PRKD1: variants seen among roughly 807,000 people sequenced by gnomAD.
PRKD1 encodes the protein serine/threonine-protein kinase D1.
In PRKD1, 63 loss-of-function variants were observed where a neutral mutation model predicts 95.9. The observed-to-expected ratio is 0.66, with a 90% CI of 0.54 to 0.81. The LOEUF (loss-of-function observed/expected upper bound fraction) is 0.81. Ranked by LOEUF, PRKD1 falls within the 30% of genes least tolerant of loss-of-function variation. The pLI, the probability that PRKD1 is intolerant of heterozygous loss-of-function variation, is 0.00. For synonymous variants in PRKD1, 425 were observed against 423.1 expected, an observed-to-expected ratio of 1.00 and a Z score of -0.05; for missense variants, 1,048 against 1,165.3, an observed-to-expected ratio of 0.90 and a Z score of 1.47.
At chr14:29,879,017 T>C (rs897627976) in intron 1 of PRKD1, among the ~76,000 whole-genome samples, 1 of 152,176 alleles carries the variant, frequency 6.6e-6, no homozygotes, top group Non-Finnish European at 1.5e-5. Flanking sequence ...CTCCTCCTTA[T>C]AGTAAAAGTT....
intron 1 of PRKD1, among the ~76,000 whole-genome samples, chr14:29,735,704 A>G (rs45469291): frequency 6.6e-6 from 1 of 152,216 alleles, no homozygotes; most frequent in Non-Finnish European, 1.5e-5. Context: ...GATGTCATTC[A>G]CATGCCTCTT....
intron 4 of PRKD1, among the ~76,000 whole-genome samples, chr14:29,643,452 T>C (rs955020737): frequency 2.0e-5 from 3 of 152,210 alleles, no homozygotes; most frequent in Admixed American, 6.5e-5. Context: ...TTGAAATTAC[T>C]GCCAAAGCTG....
chr14:29,749,337 G>A (rs1887372459), intron 1 of PRKD1, among the ~76,000 whole-genome samples: 1 of 152,180 alleles, frequency 6.6e-6, no homozygotes, highest in African/African-American at 2.4e-5. Context: ...TTGTTACAGA[G>A]ACAGGCAAGA....
In PRKD1 at chr14:29,787,242, C is replaced by T. The variant is rs146628539; in HGVS notation, c.265-61568G>A. 5.3e-3 allele frequency among the ~76,000 whole-genome samples: 651 copies of T among 121,896 alleles called. 8 individuals are homozygous for T. Among genetic ancestry groups the T allele is most frequent in the African/African-American group, 0.018 (547 of 30,040 alleles). The allele number at this position is 121,896 out of a possible 152,430, so 80.0% of individuals were successfully genotyped here. On this transcript the variant is annotated intron_variant, in intron 1 of 17. Coordinates refer to ENST00000331968, the MANE Select transcript of PRKD1 (RefSeq NM_002742.3). Reference sequence around the variant, plus strand: ...TTTTTTTTTTTTTTTTTTTTTGAGGCCTAATATATGGTCTTTCCTAGAGAA... The same window carrying T: ...TTTTTTTTTTTTTTTTTTTTTGAGGTCTAATATATGGTCTTTCCTAGAGAA...
chr14:29,807,832 A>C (rs1890299832), intron 1 of PRKD1, among the ~76,000 whole-genome samples: 1 of 148,710 alleles, frequency 6.7e-6, no homozygotes, highest in East Asian at 2.0e-4. Flanking sequence ...AGCAATTCTC[A>C]TGCCTTAGCC....
chr14:29,737,774 A>G (rs929427766), intron 1 of PRKD1, among the ~76,000 whole-genome samples: 4 of 152,212 alleles, frequency 2.6e-5, no homozygotes, highest in African/African-American at 4.8e-5. Context: ...TGAAAGCGGT[A>G]GATCCTGAGG....
chr14:29,714,022 T>C (rs1228534228), intron 2 of PRKD1, among the ~76,000 whole-genome samples: 3 of 152,118 alleles, frequency 2.0e-5, no homozygotes, highest in East Asian at 1.9e-4. Flanking sequence ...CCTGGAGAAA[T>C]TGGGAATTAT....
intron 1 of PRKD1, among the ~76,000 whole-genome samples, chr14:29,893,346 ATAAT>A (rs1566658310): frequency 6.6e-6 from 1 of 151,860 alleles, no homozygotes; most frequent in East Asian, 1.9e-4. Flanking sequence ...TCTTTCTAAA[ATAAT>A]TAGAATATTA....
At chr14:29,773,352 C>T (rs555223749) in intron 1 of PRKD1, among the ~76,000 whole-genome samples, 27 of 150,646 alleles carry the variant, frequency 1.8e-4, no homozygotes, top group Middle Eastern at 6.9e-3. Context: ...CCTAGCTACT[C>T]GGGAGGCTGA....
At chr14:29,897,505 C>G (rs1894175464) in intron 1 of PRKD1, among the ~76,000 whole-genome samples, 3 of 152,134 alleles carry the variant, frequency 2.0e-5, no homozygotes, top group Non-Finnish European at 4.4e-5. Flanking sequence ...TTGGAGCAAA[C>G]AGACCTTCAT....
Position 29,597,574 on chromosome 14 carries a change from T to C in PRKD1, c.2351A>G (p.Asn784Ser). The change falls in exon 16 of 18, where the codon AAT becomes AGT. Residue 784 changes from asparagine (N) to serine (S), a missense_variant. By Grantham distance (46) the Asn-to-Ser change is conservative. Around this residue, in one of 3 missense-constraint regions of PRKD1, gnomAD observed 739 missense variants for 861.9 expected, o/e 0.86. Transcript: ENST00000331968. ...YVSLSGTFPF[N>S]EDEDIHDQIQ... ...TTGGTCGTGTATGTCTTCATCTTCATTAAATGGGAATGTGCCGCTTAGGCT... is the reference window on the plus strand; with the variant it reads ...TTGGTCGTGTATGTCTTCATCTTCACTAAATGGGAATGTGCCGCTTAGGCT... 6.2e-7 allele frequency: 1 copy of C among 1,614,038 alleles called. No individual in the cohort carries two copies. Among genetic ancestry groups the C allele is most frequent in the Non-Finnish European group, 8.5e-7 (1 of 1,179,950 alleles).
chr14:29,884,532 G>A (rs1303098007), intron 1 of PRKD1, among the ~76,000 whole-genome samples: 1 of 152,144 alleles, frequency 6.6e-6, no homozygotes, highest in African/African-American at 2.4e-5. Flanking sequence ...GATTTTCCAT[G>A]TGTAAGAACT....
At chr14:29,738,787 TTC>T (rs918821797) in intron 1 of PRKD1, among the ~76,000 whole-genome samples, 1 of 151,446 alleles carries the variant, frequency 6.6e-6, no homozygotes, top group African/African-American at 2.4e-5. Flanking sequence ...CCTTCTTTCT[TTC>T]TCTCTCTCTT....
At chr14:29,646,660 G>T (rs1257847764) in intron 4 of PRKD1, among the ~76,000 whole-genome samples, 1 of 151,702 alleles carries the variant, frequency 6.6e-6, no homozygotes, top group Admixed American at 6.6e-5. Context: ...TCTCACTTAG[G>T]GATGATGACC....
intron 1 of PRKD1, among the ~76,000 whole-genome samples, chr14:29,804,341 A>G (rs1394156406): frequency 1.3e-5 from 2 of 152,204 alleles, no homozygotes; most frequent in Non-Finnish European, 2.9e-5. Flanking sequence ...TTCTCCAGCT[A>G]GTAAATCTAG....
At chr14:29,711,940 G>A (rs555456105) in intron 2 of PRKD1, among the ~76,000 whole-genome samples, 2 of 152,230 alleles carry the variant, frequency 1.3e-5, no homozygotes, top group African/African-American at 4.8e-5. Context: ...CATGATGGAA[G>A]ATCTCATGTG....
chr14:29,873,917 G>A (rs1893198869), intron 1 of PRKD1, among the ~76,000 whole-genome samples: 1 of 152,102 alleles, frequency 6.6e-6, no homozygotes, highest in South Asian at 2.1e-4. Context: ...TGCCACTAGT[G>A]TGTGTGTTTA....
At chr14:29,720,641 G>T (rs916357215) in intron 2 of PRKD1, among the ~76,000 whole-genome samples, 1 of 151,756 alleles carries the variant, frequency 6.6e-6, no homozygotes, top group South Asian at 2.1e-4. Flanking sequence ...TTAGCCGAGC[G>T]TGGTGGTGTG....
chr14:29,594,277 G>A (rs1436244650), intron 16 of PRKD1: 4 of 303,986 alleles, frequency 1.3e-5, no homozygotes, highest in African/African-American at 2.3e-5. Context: ...TTTCATGCCA[G>A]GAAAAAAAAA....
Sources: allele counts gnomAD v4.1 joint callset (sites outside exome capture counted in the v4.1 genomes callset), GRCh38; gene constraint gnomAD v4.1.1; regional missense constraint gnomAD v4.1.1; transcripts MANE v1.5; gene names NCBI Gene and HGNC (gene_info 2026-07-23, HGNC 2026-07-21).